Variants in KIF16B observed in about 807,000 individuals in gnomAD.
KIF16B encodes kinesin-like protein KIF16B.
A neutral mutation model predicts 156.3 loss-of-function variants in KIF16B; 98 were observed. That is an observed-to-expected ratio of 0.63 (90% CI 0.53 to 0.74). The LOEUF is 0.74. Among genes scored for constraint, KIF16B ranks in the 30% least tolerant of loss-of-function variants. KIF16B has a pLI of 0.00. For synonymous variants in KIF16B, 564 were observed against 583.7 expected, an observed-to-expected ratio of 0.97 and a Z score of 0.49; for missense variants, 1,421 against 1,606.5, an observed-to-expected ratio of 0.88 and a Z score of 1.97.
At chr20:16,308,903 C>T (rs1210146639) in intron 25 of KIF16B, among the ~76,000 whole-genome samples, 1 of 152,228 alleles carries the variant, frequency 6.6e-6, no homozygotes, top group Admixed American at 6.5e-5. Flanking sequence ...ACCTCCACTG[C>T]TCTATCTGCC....
chr20:16,472,345 C>T (rs1297002005), intron 12 of KIF16B, among the ~76,000 whole-genome samples: 2 of 151,942 alleles, frequency 1.3e-5, no homozygotes, highest in African/African-American at 4.8e-5. Flanking sequence ...ATAGATTATT[C>T]CAGTGAGGTG....
In KIF16B at chr20:16,396,291, C is replaced by T. The variant is rs79834805; in HGVS notation, c.1784+8522G>A. Among the ~76,000 whole-genome samples the T allele has an allele frequency of 1.8e-3, 275 of 152,218 alleles. 2 individuals are homozygous for T. In the East Asian group the frequency reaches 0.027, roughly 15 times the overall value. On this transcript the variant is annotated intron_variant, in intron 17 of 25. Coordinates refer to ENST00000354981, the MANE Select transcript of KIF16B (RefSeq NM_024704.5). ...TTTGATCCCGAAACCATCCATCCCCCTCCTCTGTCCCTGTCTCTGAAAAAA... is the reference window on the plus strand; with the variant it reads ...TTTGATCCCGAAACCATCCATCCCCTTCCTCTGTCCCTGTCTCTGAAAAAA...
At chr20:16,518,089 G>A (rs2059137563) in intron 3 of KIF16B, among the ~76,000 whole-genome samples, 2 of 152,086 alleles carry the variant, frequency 1.3e-5, no homozygotes, top group Admixed American at 6.5e-5. Context: ...GACTGCAAAC[G>A]GGTCTAGAAA....
intron 12 of KIF16B, among the ~76,000 whole-genome samples, chr20:16,467,443 C>T (rs1213135814): frequency 6.6e-6 from 1 of 152,114 alleles, no homozygotes; most frequent in African/African-American, 2.4e-5. Context: ...AACATCAGAA[C>T]CAGGGTTCCA....
chr20:16,401,333 G>A (rs2065651888), intron 17 of KIF16B, among the ~76,000 whole-genome samples: 1 of 152,096 alleles, frequency 6.6e-6, no homozygotes, highest in African/African-American at 2.4e-5. Context: ...TAAAGATCCT[G>A]AACATGATTT....
intron 10 of KIF16B, among the ~76,000 whole-genome samples, chr20:16,503,140 G>A (rs2068673723): frequency 6.6e-6 from 1 of 152,190 alleles, no homozygotes; most frequent in Non-Finnish European, 1.5e-5. Flanking sequence ...GAACCCTGGA[G>A]GTGGAGGTTG....
intron 12 of KIF16B, among the ~76,000 whole-genome samples, chr20:16,485,238 G>C (rs1024854962): frequency 6.6e-6 from 1 of 152,136 alleles, no homozygotes; most frequent in Non-Finnish European, 1.5e-5. Flanking sequence ...TTCAACTCCA[G>C]GGCATGAGTG....
At chr20:16,488,933 A>C (rs997590226) in intron 12 of KIF16B, among the ~76,000 whole-genome samples, 1 of 152,238 alleles carries the variant, frequency 6.6e-6, no homozygotes, top group South Asian at 2.1e-4. Context: ...TGTGGAACAC[A>C]CTTGGGTATC....
At chr20:16,339,908 CTCCT>C (rs2064110753) in intron 23 of KIF16B, among the ~76,000 whole-genome samples, 2 of 151,740 alleles carry the variant, frequency 1.3e-5, no homozygotes, top group African/African-American at 4.8e-5. Flanking sequence ...ATAGTCTTGC[CTCCT>C]TCCTTCATTT....
chr20:16,449,254 C>T (rs917181142), intron 12 of KIF16B, among the ~76,000 whole-genome samples: 2 of 151,956 alleles, frequency 1.3e-5, no homozygotes, highest in African/African-American at 2.4e-5. Context: ...GGCAAAAGGA[C>T]GGAAAGACCT....
intron 25 of KIF16B, among the ~76,000 whole-genome samples, chr20:16,282,777 C>T (rs1275279271): frequency 6.6e-6 from 1 of 152,088 alleles, no homozygotes; most frequent in Admixed American, 6.5e-5. Flanking sequence ...ATGCTGGGGG[C>T]CCTACACAGT....
chr20:16,436,530 T>A lies in KIF16B; in HGVS notation c.1303-6548A>T, dbSNP rs539237493. 3.7e-4 allele frequency among the ~76,000 whole-genome samples: 57 copies of A among 152,306 alleles called. No homozygotes were observed. The South Asian group carries it at 7.3e-3, about 19-fold the overall frequency. On this transcript the variant is annotated intron_variant, in intron 12 of 25. Coordinates refer to ENST00000354981, the MANE Select transcript of KIF16B (RefSeq NM_024704.5). ...ACTGGCCATCACTACTACTCTTCAG[T>A]AACAATAGGAAAATCAATTCTGTTC...
chr20:16,513,834 G>T (rs1388198336), intron 4 of KIF16B, among the ~76,000 whole-genome samples: 1 of 152,028 alleles, frequency 6.6e-6, no homozygotes, highest in Non-Finnish European at 1.5e-5. Flanking sequence ...ATGAACCTCA[G>T]AATATAGTAA....
chr20:16,300,730 T>C (rs865795974), intron 25 of KIF16B, among the ~76,000 whole-genome samples: 8 of 152,282 alleles, frequency 5.3e-5, no homozygotes, highest in Middle Eastern at 6.8e-3. Context: ...AGTATACAAA[T>C]TTCCCATAGA....
intron 17 of KIF16B, among the ~76,000 whole-genome samples, chr20:16,396,372 A>G (rs1413584568): frequency 6.6e-6 from 1 of 152,214 alleles, no homozygotes; most frequent in Non-Finnish European, 1.5e-5. Flanking sequence ...GCACTGAGGT[A>G]TGGAATAGTC....
chr20:16,355,322 C>A (rs557970484), intron 23 of KIF16B, among the ~76,000 whole-genome samples: 24 of 152,270 alleles, frequency 1.6e-4, no homozygotes, highest in African/African-American at 5.8e-4. Context: ...ATTCTTTGAA[C>A]AAAGGAGTTT....
At chr20:16,497,727 T>C in intron 10 of KIF16B, 49 bp from the exon 11 acceptor site, 1 of 1,322,342 alleles carries the variant, frequency 7.6e-7, no homozygotes, top group Non-Finnish European at 1.1e-6. Flanking sequence ...ACAGCAATAA[T>C]CTAGGTTTTT....
At chr20:16,310,811 C>T (rs1410635044) in intron 25 of KIF16B, among the ~76,000 whole-genome samples, 1 of 152,232 alleles carries the variant, frequency 6.6e-6, no homozygotes, top group Non-Finnish European at 1.5e-5. Flanking sequence ...ATTACTTCTT[C>T]AGATGTGTAA....
At chr20:16,538,593 G>C (rs7267108) in intron 1 of KIF16B, among the ~76,000 whole-genome samples, 2 of 151,990 alleles carry the variant, frequency 1.3e-5, no homozygotes, top group Admixed American at 6.6e-5. Context: ...AGATCAATAT[G>C]GGGGGAGGAG....
Sources: gnomAD v4.1 joint callset for allele counts (sites outside exome capture counted in the v4.1 genomes callset) on GRCh38, gnomAD v4.1.1 for gene constraint, MANE v1.5 for transcripts, NCBI Gene and HGNC (gene_info 2026-07-23, HGNC 2026-07-21) for gene names.